The following CUEDC1 variants were observed in gnomAD, a reference collection of about 807,000 sequenced individuals.
CUEDC1 encodes CUE domain-containing protein 1.
A neutral mutation model predicts 43.7 loss-of-function variants in CUEDC1; 30 were observed. The observed-to-expected ratio is 0.69, with a 90% CI of 0.51 to 0.93. The LOEUF (loss-of-function observed/expected upper bound fraction) is 0.93, where lower values mean the gene tolerates loss of function less well. CUEDC1 is among the 40% of genes least tolerant of loss of function. The pLI, the probability that CUEDC1 is intolerant of heterozygous loss-of-function variation, is 0.00. For synonymous variants in CUEDC1, 223 were observed against 223.6 expected, an observed-to-expected ratio of 1.00 and a Z score of 0.02; for missense variants, 486 against 549.0, an observed-to-expected ratio of 0.89 and a Z score of 1.15.
chr17:57,940,005 T>C (rs2074902769), intron 1 of CUEDC1, among the ~76,000 whole-genome samples: 1 of 151,920 alleles, frequency 6.6e-6, no homozygotes. Flanking sequence ...CCCTATGGCT[T>C]CAAATAGCTC....
intron 1 of CUEDC1, among the ~76,000 whole-genome samples, chr17:57,939,151 G>A (rs1201396993): frequency 6.6e-6 from 1 of 151,748 alleles, no homozygotes; most frequent in African/African-American, 2.4e-5. Context: ...TATTTTAGTA[G>A]AGACGGGCTT....
rs1049640330 is a variant in CUEDC1 at position 57,955,410 on chromosome 17, T to C, written c.-501A>G. 2.2e-5 allele frequency: 3 copies of C among 138,602 alleles called. No homozygotes were observed. The highest frequency in any genetic ancestry group is 8.1e-5 in the African/African-American group (3 of 37,086). The allele number at this position is 138,602 out of a possible 1,614,324, so 8.6% of individuals were successfully genotyped here. A position where few individuals can be genotyped will look rare whatever the true frequency, so the allele number is the denominator to read the frequency against. ...CTTCCTAGCGGCGGGCGGCGAGAAATGCAGCTGTCCCTGCGCGGCTGCCGG... is the reference window on the plus strand; with the variant it reads ...CTTCCTAGCGGCGGGCGGCGAGAAACGCAGCTGTCCCTGCGCGGCTGCCGG... On this transcript the variant is annotated 5_prime_UTR_variant, in exon 1 of 11. Coordinates refer to ENST00000577830, the MANE Select transcript of CUEDC1 (RefSeq NM_001271875.2). The surrounding 1 kb of genome is among the most constrained non-coding windows in gnomAD (Gnocchi z 5.3).
intron 1 of CUEDC1, among the ~76,000 whole-genome samples, chr17:57,941,039 C>G (rs2074912543): frequency 6.6e-6 from 1 of 152,214 alleles, no homozygotes; most frequent in South Asian, 2.1e-4. Context: ...CAACTCTACT[C>G]CTGCCAGCCG....
chr17:57,867,056 G>T (rs2073969225), intron 9 of CUEDC1: 1 of 495,618 alleles, frequency 2.0e-6, no homozygotes. Flanking sequence ...CCCCATGGGG[G>T]CAGGCCTGTC....
chr17:57,931,560 A>G (rs993774373), intron 1 of CUEDC1, among the ~76,000 whole-genome samples: 2 of 152,144 alleles, frequency 1.3e-5, no homozygotes, highest in Non-Finnish European at 2.9e-5. Flanking sequence ...CAGTGGGGGG[A>G]AAGAGAGTTC....
At chr17:57,924,342 G>C (rs969873549) in intron 1 of CUEDC1, among the ~76,000 whole-genome samples, 2 of 152,170 alleles carry the variant, frequency 1.3e-5, no homozygotes, top group African/African-American at 4.8e-5. Flanking sequence ...TTGACCTCGT[G>C]ATCTGCCCGC....
chr17:57,865,848 G>C (rs2073949759), intron 10 of CUEDC1, among the ~76,000 whole-genome samples: 1 of 139,114 alleles, frequency 7.2e-6, no homozygotes, highest in Non-Finnish European at 1.5e-5. Flanking sequence ...TTGAGATGAA[G>C]TTTCACTCTT....
At chr17:57,939,466 G>A (rs2074895059) in intron 1 of CUEDC1, among the ~76,000 whole-genome samples, 1 of 136,918 alleles carries the variant, frequency 7.3e-6, no homozygotes, top group Non-Finnish European at 1.6e-5. Context: ...TGGGTGGGGG[G>A]AGAGGGTCTC....
At chr17:57,944,259 G>A (rs1217149907) in intron 1 of CUEDC1, among the ~76,000 whole-genome samples, 1 of 145,484 alleles carries the variant, frequency 6.9e-6, no homozygotes, top group African/African-American at 2.5e-5. Flanking sequence ...TGCACAGGCT[G>A]GTGTGCAATG....
Position 57,954,728 on chromosome 17 carries a change from C to G in CUEDC1, c.-316+497G>C, listed in dbSNP as rs985444477. ...GGCAGGAAGCGAAGCTCCCCTCCCC[C>G]TGAAAGGCGCTCGGCTCCCAGCAGG... is the stretch of plus-strand genomic sequence containing the variant. On this transcript the variant is annotated intron_variant, in intron 1 of 10. Coordinates refer to ENST00000577830, the MANE Select transcript of CUEDC1 (RefSeq NM_001271875.2). This position sits in a 1 kb window ranked among gnomAD's most constrained non-coding sequence, Gnocchi z 4.3. Among the ~76,000 whole-genome samples the G allele has an allele frequency of 2.6e-5, 4 of 152,146 alleles. No homozygotes were observed. Among genetic ancestry groups the G allele is most frequent in the Non-Finnish European group, 4.4e-5 (3 of 68,000 alleles).
At chr17:57,913,097 G>A (rs899460148) in intron 1 of CUEDC1, among the ~76,000 whole-genome samples, 23 of 152,108 alleles carry the variant, frequency 1.5e-4, no homozygotes, top group South Asian at 1.0e-3. Flanking sequence ...AGGCCGAGGC[G>A]GGTGGATTAC....
intron 1 of CUEDC1, among the ~76,000 whole-genome samples, chr17:57,950,688 G>A (rs1256987422): frequency 1.3e-5 from 2 of 152,052 alleles, no homozygotes; most frequent in Non-Finnish European, 2.9e-5. Flanking sequence ...GGCCAGGCTG[G>A]TCTCGAACTC....
intron 5 of CUEDC1, among the ~76,000 whole-genome samples, chr17:57,871,933 A>G (rs2074040108): frequency 6.6e-6 from 1 of 152,230 alleles, no homozygotes. Context: ...TCAAAAAATA[A>G]AAAATAAACG....
At chr17:57,864,858 A>T (rs2073933642) in intron 10 of CUEDC1, among the ~76,000 whole-genome samples, 1 of 152,180 alleles carries the variant, frequency 6.6e-6, no homozygotes, top group Non-Finnish European at 1.5e-5. Flanking sequence ...GTTCGAAACC[A>T]GCCTGGCCAC....
At chr17:57,938,000 T>C (rs913147686) in intron 1 of CUEDC1, among the ~76,000 whole-genome samples, 1 of 152,106 alleles carries the variant, frequency 6.6e-6, no homozygotes, top group Non-Finnish European at 1.5e-5. Flanking sequence ...AATAAAAAAT[T>C]TGTTATAATC....
At position 57,939,412 on chromosome 17, in the gene CUEDC1, A is replaced by G. The variant is rs149320416; in HGVS notation, c.-316+15813T>C. ...CCCAAGTAGCTGGGACTACAGGCAC[A>G]CATCACCACGCCCAGCTAATTTTTC... On this transcript the variant is annotated intron_variant, in intron 1 of 10. Coordinates refer to ENST00000577830, the MANE Select transcript of CUEDC1 (RefSeq NM_001271875.2). 5.6e-3 allele frequency among the ~76,000 whole-genome samples: 817 copies of G among 146,392 alleles called. 4 individuals carry two copies. The highest frequency in any genetic ancestry group is 9.1e-3 in the Non-Finnish European group (609 of 66,618).
At chr17:57,908,370 T>C (rs2074549781) in intron 1 of CUEDC1, among the ~76,000 whole-genome samples, 1 of 152,064 alleles carries the variant, frequency 6.6e-6, no homozygotes, top group African/African-American at 2.4e-5. Flanking sequence ...AGGTTCTTCT[T>C]GAAGGAGAGA....
intron 1 of CUEDC1, among the ~76,000 whole-genome samples, chr17:57,933,831 A>T (rs1442656136): frequency 6.6e-6 from 1 of 151,986 alleles, no homozygotes; most frequent in African/African-American, 2.4e-5. Context: ...AGCCCGACTT[A>T]TGGGCTGGGA....
At chr17:57,920,636 T>C (rs2143106951) in intron 1 of CUEDC1, among the ~76,000 whole-genome samples, 1 of 143,566 alleles carries the variant, frequency 7.0e-6, no homozygotes, top group African/African-American at 2.6e-5. Context: ...TCTTTTCTTT[T>C]TTTTTTTTTT....
Sources: gnomAD v4.1 joint callset for allele counts (sites outside exome capture counted in the v4.1 genomes callset) on GRCh38, gnomAD v4.1.1 for gene constraint, Gnocchi (gnomAD v3.1) non-coding constraint, MANE v1.5 for transcripts, NCBI Gene and HGNC (gene_info 2026-07-23, HGNC 2026-07-21) for gene names.